The following EVPL variants were observed in gnomAD, a reference collection of about 807,000 sequenced individuals.
The protein encoded by EVPL is envoplakin, also known as 210 kDa cornified envelope precursor protein.
A neutral mutation model predicts 129.7 loss-of-function variants in EVPL; 94 were observed. The observed-to-expected ratio is 0.72, with a 90% CI of 0.61 to 0.86. EVPL has a LOEUF of 0.86. Among genes scored for constraint, EVPL ranks in the 40% least tolerant of loss-of-function variants. The pLI is 0.00. For missense variants in EVPL, 2,625 were observed against 2,721.1 expected, an observed-to-expected ratio of 0.96 and a Z score of 0.79; for synonymous variants, 1,172 against 1,191.1, an observed-to-expected ratio of 0.98 and a Z score of 0.33.
rs77540232 is a variant in EVPL at position 76,014,930 on chromosome 17, G to T, written c.2208C>A (p.Asp736Glu). The T allele has an allele frequency of 1.9e-6, 3 of 1,585,588 alleles. No homozygotes were observed. Among genetic ancestry groups the T allele is most frequent in the Admixed American group, 1.7e-5 (1 of 59,562 alleles). ...CAGTCGCTCACCGCAGGTCCAGCTG[G>T]TCCCCTACGGCGTGGTAGCGGTCGG... ...ALTDRYHAVG[D>E]QLDLREKVVQ... The change falls in exon 17 of 22, where the codon GAC becomes GAA. Residue 736 changes from aspartate (D) to glutamate (E), a missense_variant. Coordinates refer to ENST00000301607, the MANE Select transcript of EVPL (RefSeq NM_001988.4).
At position 76,010,386 on chromosome 17, in the gene EVPL, C is replaced by T. The variant is rs573395899; in HGVS notation, c.2819G>A (p.Ser940Asn). 702 of 1,613,994 alleles carry T rather than the reference C, an allele frequency of 4.3e-4. 10 individuals are homozygous for T. The South Asian group carries it at 7.0e-3, about 16-fold the overall frequency. Reference protein sequence around the residue: ...RVQHELEAQRSQLLQLRTQRP... With the variant: ...RVQHELEAQRNQLLQLRTQRP... ...CTGGGTCCTCAGCTGCAGCAGTTGGCTCCTCTGCGCCTCCAGCTCATGCTG... is the reference window on the plus strand; with the variant it reads ...CTGGGTCCTCAGCTGCAGCAGTTGGTTCCTCTGCGCCTCCAGCTCATGCTG... Residue 940 changes from serine (S) to asparagine (N), a missense_variant, in exon 22 of 22, where the codon AGC becomes AAC. Transcript: ENST00000301607.
Position 76,007,434 on chromosome 17 carries a change from C to A in EVPL, c.5771G>T (p.Gly1924Val). ...RLSVGEAVQK[G>V]WMPRESVLPH... is the part of the protein sequence containing the mutation. ...GAGCACGCTCTCCCGGGGCATCCAG[C>A]CCTTCTGGACGGCCTCGCCCACCGA... Residue 1924 changes from glycine to valine, a missense_variant, in exon 22 of 22, where the codon GGC becomes GTC. Coordinates refer to ENST00000301607, the MANE Select transcript of EVPL (RefSeq NM_001988.4). This position sits in a 1 kb window ranked among gnomAD's most constrained non-coding sequence, Gnocchi z 8.8. 1.3e-6 allele frequency: 2 copies of A among 1,576,348 alleles called. No homozygotes were observed. The highest frequency in any genetic ancestry group is 1.7e-6 in the Non-Finnish European group (2 of 1,162,996).
rs956589414 is a variant in EVPL at position 76,018,161 on chromosome 17, C to A, written c.1537G>T (p.Ala513Ser). The change falls in exon 13 of 22, where the codon GCT becomes TCT. Residue 513 changes from alanine to serine, a missense_variant and splice_region_variant. Transcript: ENST00000301607. The part of the protein sequence containing the change: ...AVESLRPSQQ[A>S]PSGSDLANPQ... ...CCTCTCCCCGGGCCACCCTGGGTAC[C>A]CTGCTGGCTGGGCCGAAGAGACTCC... is the stretch of plus-strand genomic sequence containing the variant. 2.6e-6 allele frequency: 4 copies of A among 1,550,864 alleles called. No individual in the cohort carries two copies. In the African/African-American group the frequency reaches 5.5e-5, roughly 21 times the overall value.
In EVPL at chr17:76,022,116, G is replaced by T; in HGVS notation, c.645+73C>A. ...CCATTGGGCCGCGCTCAGGAACACT[G>T]GCCCCGGGCAGGGTCCGGGCGGCCA... On this transcript the variant is annotated intron_variant, in intron 6 of 21. Coordinates refer to ENST00000301607, the MANE Select transcript of EVPL (RefSeq NM_001988.4). The surrounding 1 kb of genome is among the most constrained non-coding windows in gnomAD (Gnocchi z 5.6). The T allele has an allele frequency of 6.3e-7, 1 of 1,594,804 alleles. No homozygotes were observed. The highest frequency in any genetic ancestry group is 1.1e-5 in the South Asian group (1 of 89,378).
Position 76,023,570 on chromosome 17 carries a change from T to G in EVPL, c.283A>C (p.Lys95Gln). The G allele has an allele frequency of 6.2e-7, 1 of 1,613,108 alleles. No individual in the cohort carries two copies. ...RSLKEAEVLL[K>Q]DLFLDVDKAR... ...TTGTCCACGTCCAGGAAGAGGTCCT[T>G]GAGCAGCACCTCAGCCTCCTTCAGG... The change falls in exon 3 of 22, where the codon AAG (lysine) becomes CAG (glutamine). Residue 95 changes from lysine to glutamine, a missense_variant. By Grantham distance (53) the Lys-to-Gln change is moderately conservative (BLOSUM62 1). This residue lies in a region of EVPL where 139 missense variants were observed against 186.8 expected (regional missense o/e 0.74). Transcript: ENST00000301607.
chr17:76,019,055 C>T lies in EVPL; in HGVS notation c.1143G>A (p.Glu381=). ...TCTCGGTGACGGCCAGCCGTTTTTC[C>T]TCTGCCTGCCGGGGGCCCAGGCAGT... ...PTELLQQLEA[E]EKRLAVTERA... is the part of the protein sequence containing the mutation. Residue 381 remains glutamate, a synonymous_variant, in exon 11 of 22, where the codon GAG becomes GAA. Coordinates refer to ENST00000301607, the MANE Select transcript of EVPL (RefSeq NM_001988.4). 1.3e-6 allele frequency: 2 copies of T among 1,576,552 alleles called. No homozygotes were observed. Among genetic ancestry groups the T allele is most frequent in the South Asian group, 2.3e-5 (2 of 87,272 alleles).
chr17:76,008,800 C>T lies in EVPL; in HGVS notation c.4405G>A (p.Glu1469Lys). ...GACTTCTCCAGGTCCGGGTCCTTCT[C>T]CAGCTTGACCACTTCCTCCATGATG... ...KIIMEEVVKL[E>K]KDPDLEKSTE... Residue 1469 changes from glutamate (E) to lysine (K), a missense_variant, in exon 22 of 22, where the codon GAG becomes AAG. Coordinates refer to ENST00000301607, the MANE Select transcript of EVPL (RefSeq NM_001988.4). This position sits in a 1 kb window ranked among gnomAD's most constrained non-coding sequence, Gnocchi z 7.4. 6.2e-7 allele frequency: 1 copy of T among 1,614,108 alleles called. No individual in the cohort carries two copies. Among genetic ancestry groups the T allele is most frequent in the South Asian group, 1.1e-5 (1 of 91,084 alleles).
In EVPL at chr17:76,015,582, G is replaced by A. The variant is rs755969687; in HGVS notation, c.1757C>T (p.Ala586Val). Residue 586 changes from alanine (A) to valine (V), a missense_variant, in exon 15 of 22, where the codon GCC becomes GTC. Around this residue, in one of 4 missense-constraint regions of EVPL, gnomAD observed 1,024 missense variants for 997.5 expected, o/e 1.03. Coordinates refer to ENST00000301607, the MANE Select transcript of EVPL (RefSeq NM_001988.4). ...LQSLGTEKET[A>V]QKECEAFLST... ...CAGAAACGCCTCGCACTCCTTCTGG[G>A]CTGTCTCCTTCTCCGTTCCCAGGCT... 1.4e-5 allele frequency: 23 copies of A among 1,613,326 alleles called. No individual in the cohort carries two copies. The highest frequency in any genetic ancestry group is 1.2e-4 in the Admixed American group (7 of 59,994).
Position 76,013,961 on chromosome 17 carries a change from G to A in EVPL, c.2373+465C>T, listed in dbSNP as rs2066397696. On this transcript the variant is annotated intron_variant, in intron 18 of 21. Transcript: ENST00000301607. The surrounding 1 kb of genome is among the most constrained non-coding windows in gnomAD (Gnocchi z 4.3). ...CTTTCCCCTGACTGCCATGCCTTCT[G>A]CATGGGACATTTCATCCCTCCCCCG... Among the ~76,000 whole-genome samples, 1 of 151,978 alleles carries A rather than the reference G, an allele frequency of 6.6e-6. No individual in the cohort carries two copies. The highest frequency in any genetic ancestry group is 1.5e-5 in the Non-Finnish European group (1 of 67,978).
Position 76,009,583 on chromosome 17 carries a change from GCT to G in EVPL, c.3620_3621del (p.Glu1207AlafsTer54), listed in dbSNP as rs1567907921. On this transcript the variant is annotated frameshift_variant, in exon 22 of 22. Transcript: ENST00000301607. LOFTEE classifies it low-confidence loss of function (END_TRUNC). The surrounding 1 kb of genome is among the most constrained non-coding windows in gnomAD (Gnocchi z 5.9). ...HEIFQVDPET[E>X]QEITRLKAKL... The stretch of plus-strand genomic sequence containing the variant: ...TTGGCCTTGAGCCGAGTGATCTCCT[GCT>G]CTGTCTCCGGATCCACCTGGAAGAT... 6.2e-7 allele frequency: 1 copy of G among 1,613,920 alleles called. No individual in the cohort carries two copies. Among genetic ancestry groups the G allele is most frequent in the African/African-American group, 1.3e-5 (1 of 74,928 alleles).
chr17:76,011,948 C>T, intron 19 of EVPL, 58 bp downstream of exon 19: 1 of 1,601,424 alleles, frequency 6.2e-7, no homozygotes, highest in Non-Finnish European at 8.5e-7. Context: ...GGGGATAGGG[C>T]TGGAAGAGGG....
Position 76,014,557 on chromosome 17 carries a change from C to T in EVPL, c.2242G>A (p.Ala748Thr). The change falls in exon 18 of 22, where the codon GCC (alanine) becomes ACC (threonine). Residue 748 changes from alanine (A) to threonine (T), a missense_variant. This residue lies in a region of EVPL where 1,024 missense variants were observed against 997.5 expected (regional missense o/e 1.03). Coordinates refer to ENST00000301607, the MANE Select transcript of EVPL (RefSeq NM_001988.4). ...TTGAACTGCTGGTAGGTGAGGGCGG[C>T]ATCCTGCACCACCTTCTCCCTGCAG... ...LDLREKVVQD[A>T]ALTYQQFKNC... 1 of 1,612,260 alleles carries T rather than the reference C, an allele frequency of 6.2e-7. No homozygotes were observed. The highest frequency in any genetic ancestry group is 1.1e-5 in the South Asian group (1 of 91,044).
chr17:76,027,036 A>C, intron 1 of EVPL, 65 bp downstream of exon 1: 1 of 1,005,538 alleles, frequency 9.9e-7, no homozygotes. Flanking sequence ...AGGTGGCTCA[A>C]GGACCTGGGC....
rs1567905132 is a variant in EVPL, at chr17:76,007,486, CGATG to C, written c.5715_5718del (p.Ile1906ArgfsTer34). The stretch of plus-strand genomic sequence containing the variant: ...AGCCTCTTCTTGGTGACGGGGTCCT[CGATG>C]CCGGTGAAGGCCTTCTGGGCGTTAA... On this transcript the variant is annotated frameshift_variant, in exon 22 of 22. Coordinates refer to ENST00000301607, the MANE Select transcript of EVPL (RefSeq NM_001988.4). LOFTEE classifies it low-confidence loss of function (END_TRUNC). The surrounding 1 kb of genome is among the most constrained non-coding windows in gnomAD (Gnocchi z 8.8). 1.2e-6 allele frequency: 2 copies of C among 1,612,672 alleles called. No homozygotes were observed. Among genetic ancestry groups the C allele is most frequent in the Non-Finnish European group, 1.7e-6 (2 of 1,179,524 alleles).
chr17:76,019,071 C>T lies in EVPL; in HGVS notation c.1138-11G>A. 1.3e-6 allele frequency: 2 copies of T among 1,572,486 alleles called. No individual in the cohort carries two copies. Among genetic ancestry groups the T allele is most frequent in the East Asian group, 2.3e-5 (1 of 42,976 alleles). On this transcript the variant is annotated splice_polypyrimidine_tract_variant and intron_variant, in intron 10 of 21. Coordinates refer to ENST00000301607, the MANE Select transcript of EVPL (RefSeq NM_001988.4). ...CCGTTTTTCCTCTGCCTGCCGGGGG[C>T]CCAGGCAGTGGGGGACTCAGGCCAG... is the stretch of plus-strand genomic sequence containing the variant.
rs369500318 is a variant in EVPL at position 76,007,141 on chromosome 17, G to A, written c.6064C>T (p.Arg2022Cys). 124 of 1,492,018 alleles carry A rather than the reference G, an allele frequency of 8.3e-5. No individual in the cohort carries two copies. Among genetic ancestry groups the A allele is most frequent in the Non-Finnish European group, 9.9e-5 (111 of 1,119,656 alleles). 92.4% of individuals were successfully genotyped at this position (1,492,018 alleles called of 1,614,324 possible). ...PAALEGYRCY[R>C]SASPTVPRSL... is the part of the protein sequence containing the mutation. ...CGCGGGACGGTGGGGGAGGCGGAGC[G>A]GTAGCAGCGGTACCCCTCCAGTGCC... Residue 2022 changes from arginine to cysteine, a missense_variant, in exon 22 of 22, where the codon CGC becomes TGC. By Grantham distance (180) the Arg-to-Cys change is radical (BLOSUM62 -3). Transcript: ENST00000301607. This position sits in a 1 kb window ranked among gnomAD's most constrained non-coding sequence, Gnocchi z 8.8.
Position 76,009,455 on chromosome 17 carries a change from G to C in EVPL, c.3750C>G (p.Tyr1250Ter). 1 of 1,614,042 alleles carries C rather than the reference G, an allele frequency of 6.2e-7. No individual in the cohort carries two copies. The highest frequency in any genetic ancestry group is 1.1e-5 in the South Asian group (1 of 91,080). The change falls in exon 22 of 22, where the codon TAC (tyrosine) becomes TAG (stop). Residue 1250 changes from tyrosine (Y) to a stop codon, truncating the protein, a stop_gained. Coordinates refer to ENST00000301607, the MANE Select transcript of EVPL (RefSeq NM_001988.4). LOFTEE classifies it low-confidence loss of function (END_TRUNC). This position sits in a 1 kb window ranked among gnomAD's most constrained non-coding sequence, Gnocchi z 5.9. The stretch of plus-strand genomic sequence containing the variant: ...TCACCACCTCCTGGGTCACCTCCTT[G>C]TACTCCACCGTGGGCTTCTGGGCCC... ...VLRAQKPTVE[Y>*]KEVTQEVVRH...
chr17:76,018,958 G>T lies in EVPL; in HGVS notation c.1240C>A (p.Gln414Lys). The change falls in exon 11 of 22, where the codon CAG becomes AAG. Residue 414 changes from glutamine to lysine, a missense_variant. Coordinates refer to ENST00000301607, the MANE Select transcript of EVPL (RefSeq NM_001988.4). ...CAGATGCTGTCCACGTGCAGGGGCT[G>T]CTGAGGGGGGTTTCTTCGCTGTGGC... is the stretch of plus-strand genomic sequence containing the variant. ...PLPQRRNPPQ[Q>K]PLHVDSICDW... The T allele has an allele frequency of 6.4e-7, 1 of 1,563,436 alleles. No homozygotes were observed.
Position 76,010,553 on chromosome 17 carries a change from G to C in EVPL, c.2662-10C>G. The C allele has an allele frequency of 6.2e-7, 1 of 1,606,778 alleles. No homozygotes were observed. On this transcript the variant is annotated splice_polypyrimidine_tract_variant and intron_variant, in intron 21 of 21. Transcript: ENST00000301607. Reference sequence around the variant, plus strand: ...CCTCACTGAGCTCCTTCTGCAGAGAGGAAGAAGGGTAGAGCACGGGGTGGG... The same window carrying C: ...CCTCACTGAGCTCCTTCTGCAGAGACGAAGAAGGGTAGAGCACGGGGTGGG...
Sources: gnomAD v4.1 joint callset for allele counts (sites outside exome capture counted in the v4.1 genomes callset) on GRCh38, gnomAD v4.1.1 for gene constraint, gnomAD v4.1.1 regional missense constraint, Gnocchi (gnomAD v3.1) non-coding constraint, MANE v1.5 for transcripts, NCBI Gene and HGNC (gene_info 2026-07-23, HGNC 2026-07-21) for gene names.